The following CFAP58 variants were observed in gnomAD, a reference collection of about 807,000 sequenced individuals.
The protein encoded by CFAP58 is cilia- and flagella-associated protein 58.
A neutral mutation model predicts 119.5 loss-of-function variants in CFAP58; 88 were observed. The ratio of observed to expected loss-of-function variants is 0.74; its 90% CI spans 0.62 to 0.88. The LOEUF (loss-of-function observed/expected upper bound fraction) is 0.88, where lower values mean the gene tolerates loss of function less well. Among genes scored for constraint, CFAP58 ranks in the 40% least tolerant of loss-of-function variants. The pLI is 0.00. For missense variants in CFAP58, 990 were observed against 1,021.2 expected, an observed-to-expected ratio of 0.97 and a Z score of 0.42; for synonymous variants, 365 against 366.3, an observed-to-expected ratio of 1.00 and a Z score of 0.04.
At chr10:104,380,335 G>A in intron 9 of CFAP58, 115 bp downstream of exon 9, 1 of 1,057,238 alleles carries the variant, frequency 9.5e-7, no homozygotes, top group Non-Finnish European at 1.4e-6. Flanking sequence ...TGTAATTTGT[G>A]TGAAGATTTG....
At chr10:104,435,999 C>T (rs917986825) in intron 15 of CFAP58, among the ~76,000 whole-genome samples, 1 of 152,122 alleles carries the variant, frequency 6.6e-6, no homozygotes, top group Non-Finnish European at 1.5e-5. Flanking sequence ...TCCGACTCCT[C>T]CCACCCATGT....
At chr10:104,447,964 G>A (rs1589939864) in intron 16 of CFAP58, 147 bp downstream of exon 16, 1 of 1,005,726 alleles carries the variant, frequency 9.9e-7, no homozygotes, top group East Asian at 2.7e-5. Flanking sequence ...TCTAGTCTAG[G>A]ATGAGCCAGC....
At chr10:104,426,020 T>C (rs1180886560) in intron 15 of CFAP58, among the ~76,000 whole-genome samples, 1 of 152,102 alleles carries the variant, frequency 6.6e-6, no homozygotes, top group Admixed American at 6.6e-5. Context: ...TTGCTTGAGC[T>C]CAGGAGTTTG....
chr10:104,352,996 T>A (rs527999653), upstream of CFAP58: 1 of 152,236 alleles, frequency 6.6e-6, no homozygotes, highest in African/African-American at 2.4e-5. Context: ...GCAGCATGAA[T>A]GCCTATGGGG....
At chr10:104,361,910 C>A in intron 2 of CFAP58, 113 bp from the exon 3 acceptor site, 1 of 986,260 alleles carries the variant, frequency 1.0e-6, no homozygotes, top group Non-Finnish European at 1.5e-6. Context: ...ACAATTTAGT[C>A]AATGCACATT....
In CFAP58 at chr10:104,406,689, G is replaced by T; in HGVS notation, c.2152G>T (p.Ala718Ser). 1.2e-6 allele frequency: 2 copies of T among 1,613,974 alleles called. No homozygotes were observed. The highest frequency in any genetic ancestry group is 2.2e-5 in the East Asian group (1 of 44,884). The part of the protein sequence containing the change: ...LNVHRWRKLE[A>S]SDPNAYELIQ... ...TGCTATTGTTGTTCCCCTTGGACAG[G>T]CCAGCGACCCCAATGCATATGAGCT... Residue 718 changes from alanine to serine, a missense_variant and splice_region_variant, in exon 15 of 18, where the codon GCC becomes TCC. By Grantham distance (99) the Ala-to-Ser change is moderately conservative (BLOSUM62 1). Coordinates refer to ENST00000369704, the MANE Select transcript of CFAP58 (RefSeq NM_001008723.2).
intron 6 of CFAP58, 136 bp from the exon 7 acceptor site, chr10:104,370,759 G>C (rs1049718961): frequency 4.9e-5 from 34 of 697,564 alleles, no homozygotes; most frequent in Non-Finnish European, 7.1e-5. Context: ...AATTGTGTGT[G>C]CTTGATTTAA....
chr10:104,376,799 C>T lies in CFAP58; in HGVS notation c.1091-12C>T, dbSNP rs754750175. 1.9e-6 allele frequency: 3 copies of T among 1,607,080 alleles called. No homozygotes were observed. Among genetic ancestry groups the T allele is most frequent in the East Asian group, 2.2e-5 (1 of 44,748 alleles). ...CTACGTTTATTATTATTTTTTCTCC[C>T]TGGGGATTCAGAGGTAGAGGCTTCA... On this transcript the variant is annotated splice_polypyrimidine_tract_variant and intron_variant, in intron 7 of 17. Coordinates refer to ENST00000369704, the MANE Select transcript of CFAP58 (RefSeq NM_001008723.2).
chr10:104,437,307 A>G (rs2012950680), intron 15 of CFAP58, among the ~76,000 whole-genome samples: 1 of 152,236 alleles, frequency 6.6e-6, no homozygotes, highest in Non-Finnish European at 1.5e-5. Context: ...TTTTTAGTCC[A>G]ATTCTCTCAA....
intron 15 of CFAP58, among the ~76,000 whole-genome samples, chr10:104,446,152 A>G (rs141125936): frequency 0.01 from 1,562 of 152,340 alleles, 21 homozygotes; most frequent in Middle Eastern, 0.017. Flanking sequence ...GTCTCTAGAA[A>G]ATAAACTCAC....
chr10:104,346,633 C>CTTTTTTT, the CFAP58 span, among the ~76,000 whole-genome samples: 29 of 101,118 alleles, frequency 2.9e-4, 4 homozygotes, highest in Non-Finnish European at 3.6e-4. Flanking sequence ...GCCATTTAGT[C>CTTTTTTT]TTTTTTTTTT....
intron 15 of CFAP58, among the ~76,000 whole-genome samples, chr10:104,414,970 A>T (rs1249383101): frequency 6.6e-6 from 1 of 152,206 alleles, no homozygotes; most frequent in Non-Finnish European, 1.5e-5. Context: ...ACGCCCGTGA[A>T]TGGGCAGCAG....
intron 15 of CFAP58, among the ~76,000 whole-genome samples, chr10:104,425,264 C>T (rs2012724690): frequency 6.6e-6 from 1 of 152,154 alleles, no homozygotes; most frequent in African/African-American, 2.4e-5. Context: ...ATGAAAAGGG[C>T]ATTTCAGGCT....
At chr10:104,433,782 A>G (rs1023443279) in intron 15 of CFAP58, among the ~76,000 whole-genome samples, 1 of 152,248 alleles carries the variant, frequency 6.6e-6, no homozygotes, top group Non-Finnish European at 1.5e-5. Context: ...ATACTCTTCC[A>G]AAGAATGTTC....
rs1387158702 is a variant in CFAP58, at chr10:104,400,695, G to A, written c.1831G>A (p.Asp611Asn). Residue 611 changes from aspartate to asparagine, a missense_variant, in exon 13 of 18, where the codon GAT becomes AAT. Coordinates refer to ENST00000369704, the MANE Select transcript of CFAP58 (RefSeq NM_001008723.2). Reference protein sequence around the residue: ...KELDQVISERDILGSQLVRRN... With the variant: ...KELDQVISERNILGSQLVRRN... Reference sequence around the variant, plus strand: ...ACCTTCCTAGGTCATCAGTGAGAGAGATATCCTGGGGTCTCAGCTTGTTCG... The same window carrying A: ...ACCTTCCTAGGTCATCAGTGAGAGAAATATCCTGGGGTCTCAGCTTGTTCG... The A allele has an allele frequency of 6.2e-7, 1 of 1,613,940 alleles. No individual in the cohort carries two copies. The highest frequency in any genetic ancestry group is 8.5e-7 in the Non-Finnish European group (1 of 1,180,014).
chr10:104,426,593 A>C (rs368308441), intron 15 of CFAP58, among the ~76,000 whole-genome samples: 1 of 152,138 alleles, frequency 6.6e-6, no homozygotes, highest in Non-Finnish European at 1.5e-5. Flanking sequence ...AAAGGCTGCA[A>C]ATTTTTTTTA....
intron 15 of CFAP58, among the ~76,000 whole-genome samples, chr10:104,422,261 A>T (rs2012671928): frequency 6.6e-6 from 1 of 152,158 alleles, no homozygotes; most frequent in South Asian, 2.1e-4. Context: ...ACATAGCTTG[A>T]CTCAGCATTT....
rs2014720938 is a variant in CFAP58, at chr10:104,364,832, T to C, written c.540T>C (p.Thr180=). The change falls in exon 4 of 18, where the codon ACT becomes ACC. Residue 180 remains threonine, a synonymous_variant. Transcript: ENST00000369704. The stretch of plus-strand genomic sequence containing the variant: ...TACGAGAATCCCTAGCTCAGACCAC[T>C]GAACAGCAGCAGGAAACAGAGCGAT... ...VKLRESLAQT[T]EQQQETERSK... The C allele has an allele frequency of 2.5e-6, 4 of 1,612,326 alleles. No homozygotes were observed. The highest frequency in any genetic ancestry group is 3.4e-6 in the Non-Finnish European group (4 of 1,179,336).
At chr10:104,440,294 T>C (rs2013016464) in intron 15 of CFAP58, among the ~76,000 whole-genome samples, 1 of 152,220 alleles carries the variant, frequency 6.6e-6, no homozygotes. Flanking sequence ...AAGGGCTCTA[T>C]TCACCAAGAA....
Sources: gnomAD v4.1 joint callset for allele counts (sites outside exome capture counted in the v4.1 genomes callset) on GRCh38, gnomAD v4.1.1 for gene constraint, MANE v1.5 for transcripts, NCBI Gene and HGNC (gene_info 2026-07-23, HGNC 2026-07-21) for gene names.